SHANK2: variants seen among roughly 807,000 people sequenced by gnomAD.
The protein encoded by SHANK2 is SH3 and multiple ankyrin repeat domains 2.
A neutral mutation model predicts 133.7 loss-of-function variants in SHANK2; 43 were observed. That is an observed-to-expected ratio of 0.32 (90% CI 0.25 to 0.41). The LOEUF is 0.41. Among genes scored for constraint, SHANK2 ranks in the 10% least tolerant of loss-of-function variants. The probability of loss-of-function intolerance (pLI) is 1.00; values close to 1 mark genes in which losing one functional copy is unlikely to be tolerated. For missense variants in SHANK2, 1,994 were observed against 2,235.8 expected (o/e 0.89, Z 2.18); for synonymous variants, 1,017 against 952.8 (o/e 1.07, Z -1.24).
chr11:71,071,013 C>A (rs1951135057), intron 9 of SHANK2, among the ~76,000 whole-genome samples: 1 of 152,226 alleles, frequency 6.6e-6, no homozygotes, highest in Non-Finnish European at 1.5e-5. Context: ...TTAACCTTTT[C>A]TAATCAGAAA....
intron 2 of SHANK2, among the ~76,000 whole-genome samples, chr11:71,205,329 A>G (rs1954106893): frequency 6.6e-6 from 1 of 152,160 alleles, no homozygotes; most frequent in Admixed American, 6.5e-5. Context: ...CTCTCTGGTC[A>G]GAGGGTACTG....
intron 3 of SHANK2, among the ~76,000 whole-genome samples, chr11:71,119,609 A>C (rs751119470): frequency 1.3e-5 from 2 of 150,178 alleles, no homozygotes; most frequent in African/African-American, 4.9e-5. Flanking sequence ...TCTAGCCCTC[A>C]TAGTGTCTTT....
intron 17 of SHANK2, among the ~76,000 whole-genome samples, chr11:70,593,140 G>T (rs1016446071): frequency 2.0e-5 from 3 of 152,176 alleles, no homozygotes; most frequent in Non-Finnish European, 2.9e-5. Flanking sequence ...CAACATGAAC[G>T]CACACTGTCC....
At chr11:71,242,611 A>G (rs1954909978) in intron 1 of SHANK2, among the ~76,000 whole-genome samples, 1 of 151,946 alleles carries the variant, frequency 6.6e-6, no homozygotes, top group African/African-American at 2.4e-5. Flanking sequence ...CCCACACTAC[A>G]TCACTGCTTA....
At chr11:71,086,139 A>C (rs1951406410) in intron 8 of SHANK2, among the ~76,000 whole-genome samples, 1 of 14,418 alleles carries the variant, frequency 6.9e-5, no homozygotes, top group Non-Finnish European at 1.7e-4. Context: ...ATTATATAAT[A>C]TATTATGTTA....
At chr11:70,575,106 C>A (rs1554983955) in intron 17 of SHANK2, among the ~76,000 whole-genome samples, 1 of 152,120 alleles carries the variant, frequency 6.6e-6, no homozygotes, top group African/African-American at 2.4e-5. Context: ...CCTCCTTGCT[C>A]CCTGCTCTGG....
intron 17 of SHANK2, among the ~76,000 whole-genome samples, chr11:70,545,743 C>T (rs540078201): frequency 6.6e-6 from 1 of 152,226 alleles, no homozygotes; most frequent in African/African-American, 2.4e-5. Flanking sequence ...CAGTACCTCC[C>T]AGAGTCAGTG....
At chr11:71,241,667 G>A (rs1226541593) in intron 1 of SHANK2, among the ~76,000 whole-genome samples, 1 of 152,192 alleles carries the variant, frequency 6.6e-6, no homozygotes. Context: ...ACCCCCACCA[G>A]GTTCCCAGGG....
intron 21 of SHANK2, among the ~76,000 whole-genome samples, chr11:70,497,629 C>A (rs868929588): frequency 6.6e-6 from 1 of 152,174 alleles, no homozygotes; most frequent in African/African-American, 2.4e-5. Context: ...GTTACCAGAG[C>A]CCCCCAGCCC....
intron 3 of SHANK2, among the ~76,000 whole-genome samples, chr11:71,145,753 C>T (rs574414084): frequency 1.8e-4 from 28 of 152,318 alleles, no homozygotes; most frequent in African/African-American, 6.5e-4. Flanking sequence ...CTTCCCCGAT[C>T]TCCAGCACTT....
At chr11:70,598,595 T>C (rs982450562) in intron 17 of SHANK2, among the ~76,000 whole-genome samples, 1 of 152,102 alleles carries the variant, frequency 6.6e-6, no homozygotes. Flanking sequence ...TTGACTCCGG[T>C]TGGAAAAGAA....
intron 11 of SHANK2, chr11:70,863,972 T>G: frequency 2.4e-6 from 1 of 409,350 alleles, no homozygotes; most frequent in East Asian, 7.1e-5. Context: ...CAGTTTTTGA[T>G]ACTTTCTTAT....
At chr11:70,729,030 C>T (rs1205800430) in intron 14 of SHANK2, among the ~76,000 whole-genome samples, 1 of 151,956 alleles carries the variant, frequency 6.6e-6, no homozygotes, top group African/African-American at 2.4e-5. Flanking sequence ...CATAGCAAAA[C>T]CCTGTCTCTA....
intron 17 of SHANK2, among the ~76,000 whole-genome samples, chr11:70,633,299 G>T (rs1555002892): frequency 6.7e-6 from 1 of 149,906 alleles, no homozygotes; most frequent in East Asian, 1.9e-4. Context: ...ACACTGAGTT[G>T]AATATACAAA....
chr11:70,578,258 A>C (rs2060141450), intron 17 of SHANK2, among the ~76,000 whole-genome samples: 1 of 151,944 alleles, frequency 6.6e-6, no homozygotes, highest in Non-Finnish European at 1.5e-5. Flanking sequence ...GGCACACTGT[A>C]CTTCCCAGAA....
chr11:70,842,603 G>C (rs1359571583), intron 11 of SHANK2, among the ~76,000 whole-genome samples: 1 of 152,240 alleles, frequency 6.6e-6, no homozygotes, highest in Admixed American at 6.5e-5. Context: ...GTGAGCTCCT[G>C]CCCTGGAGCG....
chr11:70,629,841 G>C (rs1488991673), intron 17 of SHANK2, among the ~76,000 whole-genome samples: 1 of 152,144 alleles, frequency 6.6e-6, no homozygotes, highest in African/African-American at 2.4e-5. Context: ...CAGACCCCCA[G>C]CAGATCCGGC....
chr11:70,685,910 C>G (rs1429206369), intron 15 of SHANK2, among the ~76,000 whole-genome samples: 1 of 152,124 alleles, frequency 6.6e-6, no homozygotes, highest in Non-Finnish European at 1.5e-5. Flanking sequence ...CACCCTTACC[C>G]CAAGTCACAG....
chr11:70,648,028 G>T (rs2061289627), intron 17 of SHANK2, among the ~76,000 whole-genome samples: 1 of 152,248 alleles, frequency 6.6e-6, no homozygotes, highest in South Asian at 2.1e-4. Flanking sequence ...CTAGTGAATG[G>T]ATAAACTAAT....
Sources: allele counts gnomAD v4.1 joint callset (sites outside exome capture counted in the v4.1 genomes callset), GRCh38; gene constraint gnomAD v4.1.1; transcripts MANE v1.5; gene names NCBI Gene and HGNC (gene_info 2026-07-23, HGNC 2026-07-21).